TPM1: variants seen among roughly 807,000 people sequenced by gnomAD.
The protein encoded by TPM1 is tropomyosin alpha-1 chain.
A neutral mutation model predicts 42.9 loss-of-function variants in TPM1; 24 were observed. The observed-to-expected ratio is 0.56, with a 90% confidence interval of 0.41 to 0.79. TPM1 has a LOEUF of 0.79. Ranked by LOEUF, TPM1 falls within the 30% of genes least tolerant of loss-of-function variation. The probability of loss-of-function intolerance (pLI) is 0.00; values close to 1 mark genes in which losing one functional copy is unlikely to be tolerated. For synonymous variants in TPM1, 136 were observed against 130.1 expected (o/e 1.05, Z -0.31); for missense variants, 158 against 351.8 (o/e 0.45, Z 4.41).
intron 8 of TPM1, 52 bp from the exon 9 acceptor site, chr15:63,064,012 C>T: frequency 3.1e-6 from 5 of 1,608,552 alleles, no homozygotes; most frequent in Non-Finnish European, 4.2e-6. Context: ...CCCTCCATTT[C>T]TTGATCACTC....
At chr15:63,061,859 C>A in intron 6 of TPM1, 71 bp downstream of exon 6, 2 of 1,335,566 alleles carry the variant, frequency 1.5e-6, no homozygotes, top group Admixed American at 1.8e-5. Flanking sequence ...TGCCAGAAAG[C>A]AACACTTACA....
intron 9 of TPM1, 57 bp from the exon 10 acceptor site, chr15:63,065,839 T>G: frequency 6.4e-7 from 1 of 1,567,056 alleles, no homozygotes; most frequent in South Asian, 1.2e-5. Flanking sequence ...CTTTCTTTTT[T>G]TTTTTTTTCT....
intron 2 of TPM1, among the ~76,000 whole-genome samples, chr15:63,049,671 G>T (rs868537386): frequency 1.3e-5 from 2 of 152,174 alleles, no homozygotes; most frequent in Non-Finnish European, 2.9e-5. Flanking sequence ...AATCGTTCTA[G>T]TTAAGTGTTT....
intron 9 of TPM1, chr15:63,064,703 C>G (rs564245947): frequency 1.0e-6 from 1 of 984,908 alleles, no homozygotes; most frequent in South Asian, 4.6e-5. Context: ...CAGTGGCTCA[C>G]GCCTGTAATC....
intron 2 of TPM1, chr15:63,055,686 A>G (rs1006483619): frequency 3.3e-5 from 5 of 152,210 alleles, no homozygotes; most frequent in African/African-American, 1.2e-4. Context: ...TGTAATTTCT[A>G]GAAAACTCCT....
chr15:63,059,693 G>T lies in TPM1; in HGVS notation c.492+13G>T, dbSNP rs1271544073. 6.3e-7 allele frequency: 1 copy of T among 1,590,340 alleles called. No individual in the cohort carries two copies. The highest frequency in any genetic ancestry group is 1.1e-5 in the South Asian group (1 of 90,342). On this transcript the variant is annotated intron_variant, in intron 4 of 9. Transcript: ENST00000403994. ...CAAATATGAAGAGGTCAGATCCTGG[G>T]GCCCAAAGCCTTGTGGACACCCAGC...
chr15:63,052,064 T>TA lies in TPM1; in HGVS notation c.241-4920dup, dbSNP rs551583181. Among the ~76,000 whole-genome samples the TA allele has an allele frequency of 1.2e-3, 185 of 152,266 alleles. 1 individual carries two copies. Among genetic ancestry groups the TA allele is most frequent in the African/African-American group, 4.2e-3 (176 of 41,540 alleles). On this transcript the variant is annotated intron_variant, in intron 2 of 9. Transcript: ENST00000403994. ...CCTCAAGTACAGAGCACCAGGAAGT[T>TA]ACTTAAAAACATCTGCAGGAGGACA...
intron 2 of TPM1, chr15:63,044,741 C>G (rs2032014941): frequency 5.8e-6 from 1 of 173,688 alleles, no homozygotes; most frequent in Non-Finnish European, 1.3e-5. Context: ...GAAGATGATA[C>G]TTGCTTGGGT....
intron 2 of TPM1, chr15:63,056,025 TC>T (rs1414977077): frequency 6.6e-6 from 1 of 152,230 alleles, no homozygotes; most frequent in Admixed American, 6.5e-5. Flanking sequence ...CAAAGAAAAA[TC>T]ATAGGCTTAC....
intron 4 of TPM1, 147 bp downstream of exon 4, chr15:63,059,827 C>A: frequency 3.4e-6 from 2 of 584,336 alleles, no homozygotes; most frequent in South Asian, 1.5e-5. Flanking sequence ...TCCTTTGTGT[C>A]CAGAAAACGG....
At chr15:63,064,971 A>T in intron 9 of TPM1, 1 of 984,882 alleles carries the variant, frequency 1.0e-6, no homozygotes, top group South Asian at 4.7e-5. Flanking sequence ...TGTCTCAAGA[A>T]AAAAAAGAAT....
At position 63,044,116 on chromosome 15, in the gene TPM1, G is replaced by A. The variant is rs2140629119; in HGVS notation, c.204G>A (p.Gln68=). ...DKYSEALKDA[Q]EKLELAEKKA... is the part of the protein sequence containing the mutation. ...ACTCTGAGGCTCTCAAAGATGCCCA[G>A]GAGAAGCTGGAGCTGGCAGAGAAAA... The change falls in exon 2 of 10, where the codon CAG becomes CAA. Residue 68 remains glutamine (Q), a synonymous_variant. Coordinates refer to ENST00000403994, the MANE Select transcript of TPM1 (RefSeq NM_001018005.2). The A allele has an allele frequency of 1.9e-6, 3 of 1,614,234 alleles. No homozygotes were observed. Among genetic ancestry groups the A allele is most frequent in the Middle Eastern group, 1.6e-4 (1 of 6,062 alleles).
At chr15:63,062,765 C>T (rs765946293) in intron 8 of TPM1, 120 bp downstream of exon 8, 2 of 1,572,178 alleles carry the variant, frequency 1.3e-6, no homozygotes, top group East Asian at 2.4e-5. Flanking sequence ...CACATTCTTC[C>T]TGTGTGTCCT....
chr15:63,058,388 C>T (rs887693781), intron 3 of TPM1, among the ~76,000 whole-genome samples: 5 of 152,166 alleles, frequency 3.3e-5, no homozygotes, highest in African/African-American at 1.2e-4. Context: ...ACCCAGATCT[C>T]CTCAACTGTA....
At chr15:63,062,397 G>C in intron 7 of TPM1, 120 bp downstream of exon 7, 2 of 1,302,872 alleles carry the variant, frequency 1.5e-6, no homozygotes, top group Non-Finnish European at 2.2e-6. Flanking sequence ...TTCAAAGGTC[G>C]CCTTGGAGTT....
chr15:63,050,720 C>T (rs957797899), intron 2 of TPM1, among the ~76,000 whole-genome samples: 1 of 152,216 alleles, frequency 6.6e-6, no homozygotes, highest in African/African-American at 2.4e-5. Context: ...AAGACTGGAT[C>T]AGACCATTGA....
intron 3 of TPM1, among the ~76,000 whole-genome samples, chr15:63,058,084 T>C (rs2035071784): frequency 6.6e-6 from 1 of 152,244 alleles, no homozygotes; most frequent in African/African-American, 2.4e-5. Context: ...CTAAACTTTT[T>C]AGGCCATTAT....
downstream of TPM1, chr15:63,069,899 C>G: frequency 6.2e-7 from 1 of 1,614,100 alleles, no homozygotes. Context: ...TGAGCAAAAT[C>G]GCCGCCTCAC....
chr15:63,064,395 T>C, intron 9 of TPM1: 15 of 1,359,540 alleles, frequency 1.1e-5, no homozygotes, highest in Non-Finnish European at 1.4e-5. Context: ...AGCAGTGAAC[T>C]AGAATGAGTG....
Sources: gnomAD v4.1 joint callset for allele counts (sites outside exome capture counted in the v4.1 genomes callset) on GRCh38, gnomAD v4.1.1 for gene constraint, MANE v1.5 for transcripts, NCBI Gene and HGNC (gene_info 2026-07-23, HGNC 2026-07-21) for gene names.